GPR26: variants seen among roughly 807,000 people sequenced by gnomAD.
GPR26 encodes G protein-coupled receptor 26.
GPR26 carries 15 observed loss-of-function variants against 23.1 expected under a neutral mutation model. The ratio of observed to expected loss-of-function variants is 0.65; its 90% CI spans 0.43 to 1.00. GPR26 has a LOEUF of 1.00. GPR26 is among the 50% of genes least tolerant of loss of function. The probability of loss-of-function intolerance (pLI) is 0.00; values close to 1 mark genes in which losing one functional copy is unlikely to be tolerated. For synonymous variants in GPR26, 228 were observed against 222.1 expected, an observed-to-expected ratio of 1.03 and a Z score of -0.24; for missense variants, 359 against 470.5, an observed-to-expected ratio of 0.76 and a Z score of 2.19.
intron 1 of GPR26, among the ~76,000 whole-genome samples, chr10:123,670,918 C>T (rs1381789293): frequency 1.3e-5 from 2 of 152,160 alleles, no homozygotes; most frequent in African/African-American, 2.4e-5. Flanking sequence ...CCCCTTAGCC[C>T]TATGAACTCT....
intron 1 of GPR26, among the ~76,000 whole-genome samples, chr10:123,672,058 A>G (rs1845258015): frequency 6.6e-6 from 1 of 152,042 alleles, no homozygotes; most frequent in African/African-American, 2.4e-5. Flanking sequence ...TGCCTTGCTC[A>G]CCTCTTGCCA....
intron 2 of GPR26, among the ~76,000 whole-genome samples, chr10:123,682,047 C>A (rs1276816966): frequency 6.6e-6 from 1 of 152,200 alleles, no homozygotes; most frequent in Non-Finnish European, 1.5e-5. Flanking sequence ...CATGCCACAA[C>A]ACCAAAGACT....
Position 123,678,968 on chromosome 10 carries a change from G to C in GPR26, c.782+4037G>C, listed in dbSNP as rs560481636. ...CCAATTAATGGTAAGGAATAAATAA[G>C]ATCGCCCTGCAAAGCATTCAGCACA... On this transcript the variant is annotated intron_variant, in intron 2 of 2. Coordinates refer to ENST00000284674, the MANE Select transcript of GPR26 (RefSeq NM_153442.4). Among the ~76,000 whole-genome samples, 131 of 152,230 alleles carry C rather than the reference G, an allele frequency of 8.6e-4. 6 individuals carry two copies. Among genetic ancestry groups the C allele is most frequent in the Non-Finnish European group, 3.2e-4 (22 of 68,048 alleles).
intron 1 of GPR26, among the ~76,000 whole-genome samples, chr10:123,672,368 C>T (rs550347043): frequency 5.3e-5 from 8 of 152,276 alleles, no homozygotes; most frequent in African/African-American, 1.4e-4. Flanking sequence ...GAGGCATGAC[C>T]GGGCCCATGT....
At chr10:123,669,482 G>A (rs991015208) in intron 1 of GPR26, among the ~76,000 whole-genome samples, 5 of 152,236 alleles carry the variant, frequency 3.3e-5, no homozygotes, top group South Asian at 2.1e-4. Context: ...AGCCTCTCAG[G>A]GCCATTCGGT....
intron 2 of GPR26, among the ~76,000 whole-genome samples, chr10:123,683,351 G>C (rs1023860693): frequency 1.3e-5 from 2 of 152,256 alleles, no homozygotes. Context: ...GAGTGATACT[G>C]GGGTCCTGAG....
chr10:123,668,853 A>G (rs1733935684), intron 1 of GPR26, among the ~76,000 whole-genome samples: 1 of 152,234 alleles, frequency 6.6e-6, no homozygotes, highest in Non-Finnish European at 1.5e-5. Flanking sequence ...TATTTAGAGC[A>G]GTACAAACTG....
At chr10:123,679,832 A>G (rs1356897696) in intron 2 of GPR26, among the ~76,000 whole-genome samples, 1 of 151,994 alleles carries the variant, frequency 6.6e-6, no homozygotes, top group Non-Finnish European at 1.5e-5. Context: ...CTTCCCCAGG[A>G]TCCTCTACCC....
In GPR26 at chr10:123,689,479, T is replaced by G. The variant is rs1845468354; in HGVS notation, c.*1319T>G. ...ACCCCTGCTTTCTGGCCATCTCTTC[T>G]TTGTCTACCATTTCAAATTGACTTG... On this transcript the variant is annotated 3_prime_UTR_variant, in exon 3 of 3. Transcript: ENST00000284674. The G allele has an allele frequency of 6.6e-6, 1 of 152,228 alleles. No individual in the cohort carries two copies. Among genetic ancestry groups the G allele is most frequent in the Admixed American group, 6.5e-5 (1 of 15,284 alleles). The allele number at this position is 152,228 out of a possible 1,614,324, so 9.4% of individuals were successfully genotyped here. A position where few individuals can be genotyped will look rare whatever the true frequency, so the allele number is the denominator to read the frequency against.
At chr10:123,676,007 G>C (rs907802229) in intron 2 of GPR26, among the ~76,000 whole-genome samples, 1 of 152,116 alleles carries the variant, frequency 6.6e-6, no homozygotes, top group African/African-American at 2.4e-5. Context: ...TGGACAGTTC[G>C]CCCTGTTTCC....
chr10:123,673,391 T>C (rs1201693422), intron 1 of GPR26, among the ~76,000 whole-genome samples: 1 of 152,210 alleles, frequency 6.6e-6, no homozygotes, highest in Non-Finnish European at 1.5e-5. Context: ...TTGCATTTTT[T>C]TAACAGACTG....
Position 123,695,308 on chromosome 10 carries a change from C to T in GPR26, c.*7148C>T, listed in dbSNP as rs570100702. Among the ~76,000 whole-genome samples the T allele has an allele frequency of 8.5e-5, 13 of 152,248 alleles. No homozygotes were observed. Among genetic ancestry groups the T allele is most frequent in the Admixed American group, 3.3e-4 (5 of 15,288 alleles). ...ATGCGTGTGTTCTTAGGAACACCAG[C>T]GTGTGGTATTTCCTGTGTCCTCTCA... On this transcript the variant is annotated 3_prime_UTR_variant, in exon 3 of 3. Transcript: ENST00000284674.
At chr10:123,677,829 G>A (rs930433556) in intron 2 of GPR26, among the ~76,000 whole-genome samples, 3 of 148,452 alleles carry the variant, frequency 2.0e-5, no homozygotes, top group Non-Finnish European at 4.6e-5. Flanking sequence ...TGTCCAGCAC[G>A]GGGGCCACCA....
In GPR26 at chr10:123,666,544, T is replaced by C. The variant is rs866360809; in HGVS notation, c.137T>C (p.Leu46Pro). 1 of 1,594,058 alleles carries C rather than the reference T, an allele frequency of 6.3e-7. No homozygotes were observed. Among genetic ancestry groups the C allele is most frequent in the East Asian group, 2.3e-5 (1 of 43,828 alleles). Residue 46 changes from leucine to proline, a missense_variant, in exon 1 of 3, where the codon CTG becomes CCG. Leu to Pro is a moderately conservative substitution (Grantham distance 98). Coordinates refer to ENST00000284674, the MANE Select transcript of GPR26 (RefSeq NM_153442.4). ...IRRQAPALFT[L>P]NLTCGNLLCT... is the part of the protein sequence containing the mutation. Reference sequence around the variant, plus strand: ...CGCCAGGCGCCGGCGCTCTTCACCCTGAACCTCACGTGCGGGAACCTGCTG... The same window carrying C: ...CGCCAGGCGCCGGCGCTCTTCACCCCGAACCTCACGTGCGGGAACCTGCTG...
At chr10:123,676,738 C>T (rs563269489) in intron 2 of GPR26, among the ~76,000 whole-genome samples, 33 of 152,312 alleles carry the variant, frequency 2.2e-4, no homozygotes, top group African/African-American at 7.9e-4. Flanking sequence ...AGCAGCATGA[C>T]TCTGGAGTGT....
chr10:123,686,763 C>G (rs955949792), intron 2 of GPR26, among the ~76,000 whole-genome samples: 1 of 152,198 alleles, frequency 6.6e-6, no homozygotes, highest in African/African-American at 2.4e-5. Context: ...AATACAGGTA[C>G]TAGACCCCCA....
intron 2 of GPR26, among the ~76,000 whole-genome samples, chr10:123,678,026 C>T (rs893392759): frequency 6.6e-6 from 1 of 152,304 alleles, no homozygotes; most frequent in African/African-American, 2.4e-5. Context: ...GGGAGGATTA[C>T]TTGAGGCCAG....
At position 123,689,828 on chromosome 10, in the gene GPR26, G is replaced by T. The variant is rs957940248; in HGVS notation, c.*1668G>T. The T allele has an allele frequency of 9.2e-5, 14 of 152,210 alleles. No individual in the cohort carries two copies. The highest frequency in any genetic ancestry group is 3.1e-4 in the African/African-American group (13 of 41,448). 9.4% of individuals were successfully genotyped at this position (152,210 alleles called of 1,614,324 possible). Reference sequence around the variant, plus strand: ...TGTCTAGTTTCAAAGTTACCATGGAGACTAGAATGGAGACAGGTGTAGCTT... The same window carrying T: ...TGTCTAGTTTCAAAGTTACCATGGATACTAGAATGGAGACAGGTGTAGCTT... On this transcript the variant is annotated 3_prime_UTR_variant, in exon 3 of 3. Transcript: ENST00000284674.
At position 123,688,438 on chromosome 10, in the gene GPR26, C is replaced by T. The variant is rs1233016486; in HGVS notation, c.*278C>T. The T allele has an allele frequency of 2.2e-6, 1 of 446,790 alleles. No homozygotes were observed. Among genetic ancestry groups the T allele is most frequent in the Non-Finnish European group, 4.1e-6 (1 of 242,046 alleles). 27.7% of individuals were successfully genotyped at this position (446,790 alleles called of 1,614,324 possible). A position where few individuals can be genotyped will look rare whatever the true frequency, so the allele number is the denominator to read the frequency against. ...AGCTCCTGGACTCACCTGAGGCTCC[C>T]TGGGGGATGACACTCAGTTCTGTCA... On this transcript the variant is annotated 3_prime_UTR_variant, in exon 3 of 3. Coordinates refer to ENST00000284674, the MANE Select transcript of GPR26 (RefSeq NM_153442.4).
Sources: gnomAD v4.1 joint callset for allele counts (sites outside exome capture counted in the v4.1 genomes callset) on GRCh38, gnomAD v4.1.1 for gene constraint, MANE v1.5 for transcripts, NCBI Gene and HGNC (gene_info 2026-07-23, HGNC 2026-07-21) for gene names.